Variants in AFF3 observed in about 807,000 individuals in gnomAD.
The protein encoded by AFF3 is ALF transcription elongation factor 3, also known as AF4/FMR2 family member 3.
AFF3 carries 32 observed loss-of-function variants against 129.7 expected under a neutral mutation model. The ratio of observed to expected loss-of-function variants is 0.25; its 90% CI spans 0.19 to 0.33. AFF3 has a LOEUF of 0.33. AFF3 is among the 10% of genes least tolerant of loss of function. The pLI, the probability that AFF3 is intolerant of heterozygous loss-of-function variation, is 1.00. For synonymous variants in AFF3, 644 were observed against 635.4 expected (o/e 1.01, Z -0.20); for missense variants, 1,373 against 1,592.0 (o/e 0.86, Z 2.34).
chr2:99,870,568 T>C (rs1232142351), intron 7 of AFF3, among the ~76,000 whole-genome samples: 2 of 152,142 alleles, frequency 1.3e-5, no homozygotes, highest in Non-Finnish European at 2.9e-5. Flanking sequence ...AGCTACTTCC[T>C]AGATAAGGAG....
intron 8 of AFF3, among the ~76,000 whole-genome samples, chr2:99,757,422 C>T (rs934761050): frequency 6.6e-6 from 1 of 152,192 alleles, no homozygotes; most frequent in African/African-American, 2.4e-5. Flanking sequence ...TGCCAGATTC[C>T]TTCTCTTTCA....
intron 12 of AFF3, among the ~76,000 whole-genome samples, chr2:99,670,473 A>G (rs1450815010): frequency 6.6e-6 from 1 of 152,200 alleles, no homozygotes; most frequent in Non-Finnish European, 1.5e-5. Context: ...GATTACATCT[A>G]GAAAAATCAT....
chr2:100,125,687 G>A (rs1044107859), intron 2 of AFF3, among the ~76,000 whole-genome samples: 1 of 152,168 alleles, frequency 6.6e-6, no homozygotes, highest in Non-Finnish European at 1.5e-5. Context: ...CTGTAAAGGG[G>A]GTGGTCACCT....
intron 13 of AFF3, among the ~76,000 whole-genome samples, chr2:99,648,917 A>ACACACTCTCTCTCTCTCT: frequency 4.3e-5 from 2 of 46,868 alleles, no homozygotes; most frequent in Non-Finnish European, 9.2e-5. Flanking sequence ...ACACACACAC[A>ACACACTCTCTCTCTCTCT]CTCTCTCTCT....
chr2:100,083,574 T>TCTCTGAG, intron 4 of AFF3, among the ~76,000 whole-genome samples: 1 of 152,280 alleles, frequency 6.6e-6, no homozygotes, highest in South Asian at 2.1e-4. Flanking sequence ...TTCTTACAGT[T>TCTCTGAG]CTCTGAGCTC....
chr2:99,588,242 T>A (rs1346541834), intron 15 of AFF3, among the ~76,000 whole-genome samples: 6 of 152,106 alleles, frequency 3.9e-5, no homozygotes, highest in African/African-American at 9.7e-5. Context: ...AGTGGTGCGA[T>A]CATGGCTCAC....
chr2:99,988,424 C>T (rs113365263), intron 7 of AFF3, among the ~76,000 whole-genome samples: 10 of 152,280 alleles, frequency 6.6e-5, no homozygotes, highest in African/African-American at 2.4e-4. Context: ...CCTGGCACAG[C>T]ATCCTGAGGT....
At chr2:99,686,127 T>G (rs1450564283) in intron 11 of AFF3, among the ~76,000 whole-genome samples, 1 of 151,510 alleles carries the variant, frequency 6.6e-6, no homozygotes, top group Non-Finnish European at 1.5e-5. Context: ...GAGGTGGAGG[T>G]TGCTATGAGC....
At chr2:100,061,213 C>T (rs1461418623) in intron 4 of AFF3, among the ~76,000 whole-genome samples, 2 of 152,134 alleles carry the variant, frequency 1.3e-5, no homozygotes, top group Non-Finnish European at 2.9e-5. Flanking sequence ...AGCTAAGTCC[C>T]AAAGTGCAGC....
intron 2 of AFF3, among the ~76,000 whole-genome samples, chr2:100,125,991 A>G (rs1202585498): frequency 6.6e-6 from 1 of 152,250 alleles, no homozygotes; most frequent in Non-Finnish European, 1.5e-5. Context: ...TTAACTGATC[A>G]GGAATGGCCT....
At chr2:99,959,051 T>G (rs980303050) in intron 7 of AFF3, among the ~76,000 whole-genome samples, 4 of 151,808 alleles carry the variant, frequency 2.6e-5, no homozygotes, top group Admixed American at 2.6e-4. Flanking sequence ...GAGCTGTGAT[T>G]GCACCACTGC....
intron 7 of AFF3, among the ~76,000 whole-genome samples, chr2:99,911,637 T>C (rs1047075628): frequency 3.3e-5 from 5 of 152,122 alleles, no homozygotes; most frequent in African/African-American, 1.2e-4. Context: ...TGCAAAATGG[T>C]CCTTTGAAAA....
intron 11 of AFF3, among the ~76,000 whole-genome samples, chr2:99,675,399 GGCCATACC>G (rs1262542577): frequency 1.3e-5 from 2 of 152,100 alleles, no homozygotes; most frequent in African/African-American, 2.4e-5. Context: ...AGACGACCAC[GGCCATACC>G]GCATCCCAGC....
intron 7 of AFF3, among the ~76,000 whole-genome samples, chr2:99,917,361 C>T (rs770408304): frequency 6.6e-6 from 1 of 152,114 alleles, no homozygotes; most frequent in Non-Finnish European, 1.5e-5. Context: ...GTGGTTCCTA[C>T]AGTGGACTTC....
At chr2:99,848,944 G>C (rs1042700309) in intron 7 of AFF3, among the ~76,000 whole-genome samples, 2 of 152,124 alleles carry the variant, frequency 1.3e-5, no homozygotes, top group African/African-American at 4.8e-5. Flanking sequence ...AGTAGTAAAG[G>C]AGTAAATGAT....
intron 8 of AFF3, among the ~76,000 whole-genome samples, chr2:99,779,515 T>C (rs1184165765): frequency 6.6e-6 from 1 of 152,192 alleles, no homozygotes; most frequent in Non-Finnish European, 1.5e-5. Context: ...ACAGTTATTA[T>C]TCTTATTAGT....
chr2:99,854,893 G>A (rs1690410585), intron 7 of AFF3, among the ~76,000 whole-genome samples: 1 of 152,180 alleles, frequency 6.6e-6, no homozygotes, highest in Admixed American at 6.5e-5. Flanking sequence ...GTAACTCAGT[G>A]AGGAAAAGGT....
chr2:100,063,252 C>A (rs1283421174), intron 4 of AFF3, among the ~76,000 whole-genome samples: 86 of 101,726 alleles, frequency 8.5e-4, no homozygotes, highest in East Asian at 1.4e-3. Context: ...AACTCCATCT[C>A]AAAAAAAAAA....
chr2:99,803,549 C>T (rs563111477), intron 8 of AFF3, among the ~76,000 whole-genome samples: 2 of 152,202 alleles, frequency 1.3e-5, no homozygotes, highest in South Asian at 4.1e-4. Context: ...TTTCAAAATA[C>T]CAACATCATT....
Sources: allele counts gnomAD v4.1 joint callset (sites outside exome capture counted in the v4.1 genomes callset), GRCh38; gene constraint gnomAD v4.1.1; transcripts MANE v1.5; gene names NCBI Gene and HGNC (gene_info 2026-07-23, HGNC 2026-07-21).